Variants in TEX9 observed in about 807,000 individuals in gnomAD.
TEX9 encodes testis-expressed protein 9.
Under a neutral mutation model 59.6 loss-of-function variants are expected in TEX9, and 74 were observed. That is an observed-to-expected ratio of 1.24 (90% confidence interval 1.03 to 1.51). The LOEUF (loss-of-function observed/expected upper bound fraction) is 1.51, where lower values mean the gene tolerates loss of function less well. TEX9 is among the 40% of genes most tolerant of loss of function. The pLI is 0.00. For synonymous variants in TEX9, 186 were observed against 152.2 expected, an observed-to-expected ratio of 1.22 and a Z score of -1.64; for missense variants, 522 against 447.8, an observed-to-expected ratio of 1.17 and a Z score of -1.49.
chr15:56,321,783 T>C (rs2045909890), intron 1 of TEX9, among the ~76,000 whole-genome samples: 1 of 152,174 alleles, frequency 6.6e-6, no homozygotes, highest in Non-Finnish European at 1.5e-5. Flanking sequence ...TATTTTGCTA[T>C]CCTCAAGTAC....
chr15:56,401,031 C>G (rs931523974), intron 9 of TEX9, among the ~76,000 whole-genome samples: 1 of 151,916 alleles, frequency 6.6e-6, no homozygotes, highest in African/African-American at 2.4e-5. Flanking sequence ...AAAAACAGGC[C>G]AAATGGTAAA....
At chr15:56,253,098 C>T (rs1312675973) in intron 1 of TEX9, among the ~76,000 whole-genome samples, 1 of 152,078 alleles carries the variant, frequency 6.6e-6, no homozygotes, top group African/African-American at 2.4e-5. Context: ...TTACATGCCA[C>T]TACTTTATAG....
At chr15:56,454,114 C>A in the TEX9 span, among the ~76,000 whole-genome samples, 1 of 152,096 alleles carries the variant, frequency 6.6e-6, no homozygotes. Flanking sequence ...AAAGAGTACT[C>A]AACTGAATGA....
At chr15:56,436,639 A>C (rs1390927233) in intron 12 of TEX9, among the ~76,000 whole-genome samples, 1 of 152,162 alleles carries the variant, frequency 6.6e-6, no homozygotes, top group East Asian at 1.9e-4. Flanking sequence ...AGACACAAAA[A>C]ACCCTTCAAA....
intron 1 of TEX9, among the ~76,000 whole-genome samples, chr15:56,335,289 A>G (rs746793664): frequency 6.6e-6 from 1 of 152,170 alleles, no homozygotes; most frequent in Non-Finnish European, 1.5e-5. Flanking sequence ...GAAAATGTAC[A>G]TATACACAAT....
chr15:56,436,643 C>T (rs2050730716), intron 12 of TEX9, among the ~76,000 whole-genome samples: 2 of 152,014 alleles, frequency 1.3e-5, no homozygotes. Context: ...ACAAAAAACC[C>T]TTCAAAAAAT....
At chr15:56,328,039 C>T (rs575937605) in intron 1 of TEX9, among the ~76,000 whole-genome samples, 5 of 152,088 alleles carry the variant, frequency 3.3e-5, no homozygotes, top group African/African-American at 1.2e-4. Context: ...CACCCCTCCC[C>T]CAACCCCAGG....
intron 12 of TEX9, among the ~76,000 whole-genome samples, chr15:56,442,533 G>T (rs1245798876): frequency 3.9e-5 from 6 of 152,112 alleles, no homozygotes; most frequent in African/African-American, 9.7e-5. Flanking sequence ...TGTGGTACAT[G>T]TACACCACGG....
At chr15:56,409,884 C>T (rs548940317) in intron 9 of TEX9, 7 of 152,226 alleles carry the variant, frequency 4.6e-5, no homozygotes, top group Admixed American at 4.6e-4. Flanking sequence ...ACCCTTCCCT[C>T]ATTGTTCTGT....
At chr15:56,278,223 C>A (rs1007264944) in intron 1 of TEX9, among the ~76,000 whole-genome samples, 7 of 152,080 alleles carry the variant, frequency 4.6e-5, no homozygotes, top group African/African-American at 1.4e-4. Context: ...TATTTTTAAA[C>A]CTGATTATTG....
At chr15:56,343,931 T>C (rs1203194707) in intron 1 of TEX9, among the ~76,000 whole-genome samples, 3 of 152,160 alleles carry the variant, frequency 2.0e-5, no homozygotes, top group Non-Finnish European at 4.4e-5. Flanking sequence ...TTAACATCTT[T>C]AGCCATCAGG....
intron 9 of TEX9, among the ~76,000 whole-genome samples, chr15:56,402,285 T>TA (rs2048833186): frequency 6.6e-6 from 1 of 151,984 alleles, no homozygotes; most frequent in Admixed American, 6.6e-5. Flanking sequence ...ATAGACGCAA[T>TA]AAAAAATGAT....
At chr15:56,248,594 T>C (rs1049099383) in intron 1 of TEX9, among the ~76,000 whole-genome samples, 2 of 152,252 alleles carry the variant, frequency 1.3e-5, no homozygotes, top group South Asian at 2.1e-4. Context: ...TTTTCCACTG[T>C]TGGTACCATA....
At chr15:56,251,258 C>T (rs2044008829) in intron 1 of TEX9, among the ~76,000 whole-genome samples, 1 of 152,020 alleles carries the variant, frequency 6.6e-6, no homozygotes, top group African/African-American at 2.4e-5. Context: ...GTTTAAAATG[C>T]CTCTAATTAT....
chr15:56,329,601 TA>T (rs536672913), intron 1 of TEX9, among the ~76,000 whole-genome samples: 76 of 151,858 alleles, frequency 5.0e-4, no homozygotes, highest in African/African-American at 1.7e-3. Context: ...TGGAAATAGT[TA>T]AAAAAAATCA....
At chr15:56,304,694 A>G (rs565432364) in intron 1 of TEX9, among the ~76,000 whole-genome samples, 2 of 152,238 alleles carry the variant, frequency 1.3e-5, no homozygotes, top group South Asian at 2.1e-4. Flanking sequence ...ATCAATTTTC[A>G]TCAGAGATAT....
chr15:56,432,929 C>T (rs1272997470), intron 12 of TEX9, among the ~76,000 whole-genome samples: 2 of 152,134 alleles, frequency 1.3e-5, no homozygotes, highest in Non-Finnish European at 2.9e-5. Context: ...TTCAAAACAC[C>T]TACATATTAT....
intron 1 of TEX9, among the ~76,000 whole-genome samples, chr15:56,304,814 C>A (rs1260582799): frequency 6.6e-6 from 1 of 152,130 alleles, no homozygotes; most frequent in Non-Finnish European, 1.5e-5. Flanking sequence ...CCTCATACTC[C>A]TGGGCTCAAG....
intron 1 of TEX9, among the ~76,000 whole-genome samples, chr15:56,245,426 A>T (rs1233321799): frequency 2.6e-5 from 4 of 152,142 alleles, no homozygotes; most frequent in Admixed American, 6.5e-5. Flanking sequence ...CACACAAATG[A>T]GCCCCCTTTT....
Sources: gnomAD v4.1 joint callset for allele counts (sites outside exome capture counted in the v4.1 genomes callset) on GRCh38, gnomAD v4.1.1 for gene constraint, MANE v1.5 for transcripts, NCBI Gene and HGNC (gene_info 2026-07-23, HGNC 2026-07-21) for gene names.